Variants in METTL15 observed in about 807,000 individuals in gnomAD.
The protein encoded by METTL15 is methyltransferase 15, mitochondrial 12S rRNA N4-cytidine.
A neutral mutation model predicts 38.3 loss-of-function variants in METTL15; 34 were observed. The ratio of observed to expected loss-of-function variants is 0.89; its 90% CI spans 0.68 to 1.18. The LOEUF (loss-of-function observed/expected upper bound fraction) is 1.18, where lower values mean the gene tolerates loss of function less well. Among genes scored for constraint, METTL15 ranks in the 50% most tolerant of loss-of-function variants. The probability of loss-of-function intolerance (pLI) is 0.00; values close to 1 mark genes in which losing one functional copy is unlikely to be tolerated. For synonymous variants in METTL15, 162 were observed against 170.9 expected, an observed-to-expected ratio of 0.95 and a Z score of 0.41; for missense variants, 438 against 498.4, an observed-to-expected ratio of 0.88 and a Z score of 1.15.
chr11:28,293,488 G>A (rs1047150841), intron 5 of METTL15, among the ~76,000 whole-genome samples: 59 of 152,046 alleles, frequency 3.9e-4, no homozygotes, highest in Admixed American at 3.3e-4. Context: ...GTCAGGTAGC[G>A]TGATGCCTCC....
chr11:28,310,965 G>GGTGTGTAT lies in METTL15; in HGVS notation c.778+14040_778+14041insATGTGTGT, dbSNP rs1471717051. 1.7e-3 allele frequency among the ~76,000 whole-genome samples: 128 copies of GGTGTGTAT among 77,512 alleles called. 2 individuals are homozygous for GGTGTGTAT. Among genetic ancestry groups the GGTGTGTAT allele is most frequent in the African/African-American group, 7.1e-3 (118 of 16,558 alleles). The allele number at this position is 77,512 out of a possible 152,430, so 50.9% of individuals were successfully genotyped here. On this transcript the variant is annotated intron_variant, in intron 6 of 6. Transcript: ENST00000407364. Reference sequence around the variant, plus strand: ...GGTGGTGGTGGTGGTGGTGGTGGTGGGTGTGTGTGTGTGTGTGTGTGTGTG... The same window carrying GGTGTGTAT: ...GGTGGTGGTGGTGGTGGTGGTGGTGGGTGTGTATGTGTGTGTGTGTGTGTGTGTGTGTG...
At chr11:28,443,465 G>A (rs1490777329) in intron 6 of METTL15, among the ~76,000 whole-genome samples, 1 of 152,012 alleles carries the variant, frequency 6.6e-6, no homozygotes, top group Non-Finnish European at 1.5e-5. Flanking sequence ...TCTCCAAGTA[G>A]ACAGTTCCCA....
At chr11:28,427,654 T>C (rs897033328) in intron 6 of METTL15, among the ~76,000 whole-genome samples, 2 of 152,236 alleles carry the variant, frequency 1.3e-5, no homozygotes, top group Non-Finnish European at 2.9e-5. Context: ...TTCACTTCCC[T>C]TGTTAGCTGT....
intron 4 of METTL15, among the ~76,000 whole-genome samples, chr11:28,265,258 C>T (rs901122749): frequency 4.0e-5 from 6 of 151,596 alleles, no homozygotes; most frequent in South Asian, 2.1e-4. Flanking sequence ...ACTTCTCCCG[C>T]CCTTTCTGCT....
chr11:28,439,327 T>G (rs1851013796), intron 6 of METTL15, among the ~76,000 whole-genome samples: 1 of 152,166 alleles, frequency 6.6e-6, no homozygotes, highest in Admixed American at 6.5e-5. Flanking sequence ...TCCACTAACC[T>G]TCCTGCTAGC....
chr11:28,119,707 A>G (rs1852129426), intron 3 of METTL15, among the ~76,000 whole-genome samples: 1 of 152,162 alleles, frequency 6.6e-6, no homozygotes, highest in Admixed American at 6.5e-5. Context: ...TCTTTATTAA[A>G]TGCATTATGC....
intron 5 of METTL15, among the ~76,000 whole-genome samples, chr11:28,389,170 G>A (rs1239257469): frequency 6.6e-6 from 1 of 151,804 alleles, no homozygotes; most frequent in Non-Finnish European, 1.5e-5. Flanking sequence ...ATAGCAGCAT[G>A]ATTTATAATC....
At chr11:28,185,699 T>C (rs939303410) in intron 3 of METTL15, among the ~76,000 whole-genome samples, 4 of 151,248 alleles carry the variant, frequency 2.6e-5, no homozygotes, top group African/African-American at 9.7e-5. Context: ...TATTCTAAAG[T>C]CCCAGGCCAA....
rs545436038 is a variant in METTL15, at chr11:28,362,834, G to T, written c.*358+798G>T. ...GAATAGTGCTGCAACAAACATGTGG[G>T]TGCATGTGTCTTCATGATAGAATGA... is the stretch of plus-strand genomic sequence containing the variant. On this transcript the variant is annotated intron_variant and NMD_transcript_variant, in intron 5 of 7. Coordinates refer to the METTL15 transcript ENST00000532947. Among the ~76,000 whole-genome samples, 26 of 152,258 alleles carry T rather than the reference G, an allele frequency of 1.7e-4. No homozygotes were observed. The South Asian group carries it at 3.9e-3, about 23-fold the overall frequency.
chr11:28,283,335 C>T (rs1023717639), intron 4 of METTL15, among the ~76,000 whole-genome samples: 1 of 152,146 alleles, frequency 6.6e-6, no homozygotes, highest in Non-Finnish European at 1.5e-5. Context: ...CCTTTTATAT[C>T]AAGCACCTTA....
chr11:28,499,835 A>C (rs962495275), intron 6 of METTL15, among the ~76,000 whole-genome samples: 1 of 152,222 alleles, frequency 6.6e-6, no homozygotes, highest in Non-Finnish European at 1.5e-5. Flanking sequence ...GACCTTCAAC[A>C]GTCATAAGAA....
At chr11:28,211,738 A>G (rs983097407) in intron 4 of METTL15, among the ~76,000 whole-genome samples, 1 of 152,058 alleles carries the variant, frequency 6.6e-6, no homozygotes, top group Admixed American at 6.6e-5. Context: ...GAGTGGTAAA[A>G]CCATCTGCCT....
At chr11:28,283,396 T>A (rs1856128907) in intron 4 of METTL15, among the ~76,000 whole-genome samples, 1 of 152,188 alleles carries the variant, frequency 6.6e-6, no homozygotes, top group African/African-American at 2.4e-5. Flanking sequence ...GAGCACTTAT[T>A]AACTACAGGA....
intron 6 of METTL15, among the ~76,000 whole-genome samples, chr11:28,424,522 C>A (rs1850848292): frequency 6.6e-6 from 1 of 152,186 alleles, no homozygotes; most frequent in South Asian, 2.1e-4. Flanking sequence ...GTTGTCTACA[C>A]ATAATCCCTT....
intron 4 of METTL15, among the ~76,000 whole-genome samples, chr11:28,216,564 TTC>T (rs1852881456): frequency 6.6e-6 from 1 of 151,872 alleles, no homozygotes; most frequent in Admixed American, 6.6e-5. Flanking sequence ...AGTGAGAAAC[TTC>T]TTTTTTTTAT....
At chr11:28,312,011 G>GGAAA (rs1184912876) in intron 6 of METTL15, among the ~76,000 whole-genome samples, 2 of 152,208 alleles carry the variant, frequency 1.3e-5, no homozygotes, top group Non-Finnish European at 2.9e-5. Context: ...CTGAGACAGA[G>GGAAA]GAAAGCATTC....
intron 6 of METTL15, among the ~76,000 whole-genome samples, chr11:28,467,136 C>G (rs559405493): frequency 6.6e-6 from 1 of 152,128 alleles, no homozygotes. Flanking sequence ...CAGAGGGCAT[C>G]TCATCGAGGA....
At chr11:28,410,439 T>G (rs951533582) in intron 5 of METTL15, among the ~76,000 whole-genome samples, 1 of 152,138 alleles carries the variant, frequency 6.6e-6, no homozygotes, top group Admixed American at 6.6e-5. Flanking sequence ...CATGTGGGAT[T>G]TATCCCTGCC....
chr11:28,170,371 G>A (rs1486515073), intron 3 of METTL15, among the ~76,000 whole-genome samples: 1 of 152,042 alleles, frequency 6.6e-6, no homozygotes, highest in Admixed American at 6.6e-5. Context: ...AGCTGTTAGC[G>A]GAAAGGGATC....
Sources: allele counts gnomAD v4.1 joint callset (sites outside exome capture counted in the v4.1 genomes callset), GRCh38; gene constraint gnomAD v4.1.1; transcripts MANE v1.5; gene names NCBI Gene and HGNC (gene_info 2026-07-23, HGNC 2026-07-21).